The following CACNB2 variants were observed in gnomAD, a reference collection of about 807,000 sequenced individuals.
The protein encoded by CACNB2 is calcium voltage-gated channel auxiliary subunit beta 2.
A neutral mutation model predicts 73.3 loss-of-function variants in CACNB2; 42 were observed. The observed-to-expected ratio is 0.57, with a 90% CI of 0.45 to 0.74. The LOEUF (loss-of-function observed/expected upper bound fraction) is 0.74. CACNB2 is among the 30% of genes least tolerant of loss of function. The probability of loss-of-function intolerance (pLI) is 0.00; values close to 1 mark genes in which losing one functional copy is unlikely to be tolerated. For missense variants in CACNB2, 940 were observed against 853.0 expected (o/e 1.10, Z -1.27); for synonymous variants, 348 against 310.3 (o/e 1.12, Z -1.28).
chr10:18,530,179 G>C (rs1439142106), intron 10 of CACNB2, among the ~76,000 whole-genome samples: 2 of 152,120 alleles, frequency 1.3e-5, no homozygotes, highest in Non-Finnish European at 2.9e-5. Context: ...ATGAGATTTC[G>C]GTGGGCACAG....
chr10:18,397,621 A>G lies in CACNB2; in HGVS notation c.214-4303A>G, dbSNP rs141118784. Among the ~76,000 whole-genome samples, 252 of 151,180 alleles carry G rather than the reference A, an allele frequency of 1.7e-3. 4 individuals carry two copies. The highest frequency in any genetic ancestry group is 0.013 in the Admixed American group (200 of 15,118). Reference sequence around the variant, plus strand: ...TCCCAGCTACTCAGGAGGCTGAGGCAGGAGAATTGCTTGGAGCCAGGAGAT... The same window carrying G: ...TCCCAGCTACTCAGGAGGCTGAGGCGGGAGAATTGCTTGGAGCCAGGAGAT... On this transcript the variant is annotated intron_variant, in intron 2 of 13. Transcript: ENST00000324631.
intron 3 of CACNB2, among the ~76,000 whole-genome samples, chr10:18,496,267 C>G (rs2049808982): frequency 6.6e-6 from 1 of 151,822 alleles, no homozygotes; most frequent in Admixed American, 6.6e-5. Context: ...TCTATTGTGC[C>G]TATATCCAGA....
intron 3 of CACNB2, among the ~76,000 whole-genome samples, chr10:18,424,017 GTATT>G (rs973671571): frequency 1.3e-5 from 2 of 151,798 alleles, no homozygotes; most frequent in Admixed American, 6.6e-5. Context: ...ATATATAAGA[GTATT>G]TATTATAGTG....
At chr10:18,420,330 C>G (rs563637747) in intron 3 of CACNB2, among the ~76,000 whole-genome samples, 2,097 of 147,654 alleles carry the variant, frequency 0.014, 45 homozygotes, top group African/African-American at 0.041. Flanking sequence ...CACACACACA[C>G]AGAGAGAGAG....
chr10:18,520,053 C>G, intron 9 of CACNB2: 1 of 233,694 alleles, frequency 4.3e-6, no homozygotes, highest in South Asian at 5.6e-5. Flanking sequence ...CAGGGCTAAG[C>G]TCTATGATGT....
chr10:18,324,677 G>A (rs1462569238), intron 2 of CACNB2, among the ~76,000 whole-genome samples: 4 of 152,314 alleles, frequency 2.6e-5, no homozygotes, highest in African/African-American at 4.8e-5. Context: ...CCAACATGGC[G>A]AAACCTCGTC....
At chr10:18,141,918 T>C (rs1405351986) in intron 1 of CACNB2, among the ~76,000 whole-genome samples, 1 of 152,202 alleles carries the variant, frequency 6.6e-6, no homozygotes, top group Admixed American at 6.5e-5. Context: ...TTGCCAGATT[T>C]TAATTTGCGG....
At chr10:18,193,685 G>A (rs2034503126) in intron 2 of CACNB2, among the ~76,000 whole-genome samples, 1 of 152,202 alleles carries the variant, frequency 6.6e-6, no homozygotes, top group East Asian at 1.9e-4. Context: ...TGAAGATGGA[G>A]TGAGCTGGTG....
At chr10:18,402,065 C>T (rs372876708) in intron 3 of CACNB2, 22 bp downstream of exon 3, 4 of 1,611,834 alleles carry the variant, frequency 2.5e-6, no homozygotes, top group African/African-American at 1.3e-5. Flanking sequence ...TCCTCCCTGC[C>T]AAGATCTTTG....
intron 2 of CACNB2, among the ~76,000 whole-genome samples, chr10:18,349,850 T>C (rs1209971901): frequency 6.6e-6 from 1 of 152,210 alleles, no homozygotes; most frequent in African/African-American, 2.4e-5. Context: ...GTTATGCATA[T>C]TTTGTCACAA....
chr10:18,465,833 A>G (rs531495865), intron 3 of CACNB2, among the ~76,000 whole-genome samples: 2 of 151,272 alleles, frequency 1.3e-5, no homozygotes, highest in South Asian at 2.1e-4. Flanking sequence ...AGCATCCACC[A>G]CCTCGCCCAG....
chr10:18,179,577 G>A (rs966039194), intron 2 of CACNB2, among the ~76,000 whole-genome samples: 54 of 151,586 alleles, frequency 3.6e-4, no homozygotes, highest in African/African-American at 1.2e-3. Flanking sequence ...TAGGATCTTC[G>A]GGTAAAGATA....
intron 4 of CACNB2, among the ~76,000 whole-genome samples, chr10:18,500,086 G>GA (rs1291753417): frequency 6.6e-6 from 1 of 152,140 alleles, no homozygotes; most frequent in African/African-American, 2.4e-5. Context: ...GCTGTGCCTA[G>GA]AATCTCACTT....
intron 2 of CACNB2, among the ~76,000 whole-genome samples, chr10:18,293,008 T>TTTAA (rs1424060804): frequency 6.6e-6 from 1 of 152,218 alleles, no homozygotes; most frequent in Non-Finnish European, 1.5e-5. Flanking sequence ...AGATAACGTT[T>TTTAA]ACTACCTTAA....
chr10:18,390,242 T>C (rs190771624), intron 2 of CACNB2, among the ~76,000 whole-genome samples: 80 of 152,364 alleles, frequency 5.3e-4, no homozygotes, highest in Non-Finnish European at 9.3e-4. Context: ...AGACGGAGTC[T>C]CACTCCTTCG....
chr10:18,524,862 TAAA>T (rs752541857), intron 9 of CACNB2, among the ~76,000 whole-genome samples: 6 of 117,402 alleles, frequency 5.1e-5, no homozygotes, highest in Admixed American at 1.8e-4. Flanking sequence ...CTGTTTCTAC[TAAA>T]AAAAAAAAAA....
chr10:18,265,052 A>G (rs2037728091), intron 2 of CACNB2, among the ~76,000 whole-genome samples: 1 of 151,744 alleles, frequency 6.6e-6, no homozygotes, highest in Non-Finnish European at 1.5e-5. Context: ...TCTGATGAGT[A>G]TGTCAGAGTA....
rs1458018667 is a variant in CACNB2, at chr10:18,140,678, A to G, written c.-59A>G. On this transcript the variant is annotated 5_prime_UTR_variant, in exon 1 of 14. Transcript: ENST00000324631. ...ATCAGAGCGCGGGGAGGCGGGGGCGAGGAGGAGGGGACCCGCCGCCGGGGG... is the reference window on the plus strand; with the variant it reads ...ATCAGAGCGCGGGGAGGCGGGGGCGGGGAGGAGGGGACCCGCCGCCGGGGG... 1.4e-6 allele frequency: 2 copies of G among 1,443,090 alleles called. No individual in the cohort carries two copies. The highest frequency in any genetic ancestry group is 1.9e-6 in the Non-Finnish European group (2 of 1,044,602). The allele number at this position is 1,443,090 out of a possible 1,614,324, so 89.4% of individuals were successfully genotyped here. A position where few individuals can be genotyped will look rare whatever the true frequency, so the allele number is the denominator to read the frequency against.
intron 7 of CACNB2, among the ~76,000 whole-genome samples, chr10:18,516,137 C>T (rs2051253863): frequency 6.6e-6 from 1 of 152,034 alleles, no homozygotes; most frequent in African/African-American, 2.4e-5. Context: ...ATTGCTTAAA[C>T]CCGGAAGGCG....
Sources: allele counts gnomAD v4.1 joint callset (sites outside exome capture counted in the v4.1 genomes callset), GRCh38; gene constraint gnomAD v4.1.1; transcripts MANE v1.5; gene names NCBI Gene and HGNC (gene_info 2026-07-23, HGNC 2026-07-21).